The following NELL1 variants were observed in gnomAD, a reference collection of about 807,000 sequenced individuals.
NELL1 encodes protein kinase C-binding protein NELL1.
Under a neutral mutation model 107.4 loss-of-function variants are expected in NELL1, and 76 were observed. The ratio of observed to expected loss-of-function variants is 0.71; its 90% CI spans 0.59 to 0.86. The LOEUF (loss-of-function observed/expected upper bound fraction) is 0.86, where lower values mean the gene tolerates loss of function less well. Among genes scored for constraint, NELL1 ranks in the 40% least tolerant of loss-of-function variants. The pLI, the probability that NELL1 is intolerant of heterozygous loss-of-function variation, is 0.00. For synonymous variants in NELL1, 353 were observed against 341.2 expected, an observed-to-expected ratio of 1.03 and a Z score of -0.38; for missense variants, 1,024 against 1,005.5, an observed-to-expected ratio of 1.02 and a Z score of -0.25.
In NELL1 at chr11:21,491,551, A is replaced by G. The variant is rs1854813207; in HGVS notation, c.1646-42823A>G. On this transcript the variant is annotated intron_variant, in intron 15 of 19. Transcript: ENST00000357134. ...CTGAGGGCTCTGTTCTGTTCCATTGATCTATATCTCTGTTTTGGTACCAGT... is the reference window on the plus strand; with the variant it reads ...CTGAGGGCTCTGTTCTGTTCCATTGGTCTATATCTCTGTTTTGGTACCAGT... 2.0e-5 allele frequency among the ~76,000 whole-genome samples: 3 copies of G among 152,024 alleles called. No individual in the cohort carries two copies. In the South Asian group the frequency reaches 6.2e-4, roughly 32 times the overall value.
chr11:21,551,431 G>A (rs986282631), intron 16 of NELL1, among the ~76,000 whole-genome samples: 2 of 151,942 alleles, frequency 1.3e-5, no homozygotes, highest in African/African-American at 4.8e-5. Flanking sequence ...GTTTTCAAAG[G>A]GAATGCTTCC....
chr11:21,096,240 C>T, intron 12 of NELL1, among the ~76,000 whole-genome samples: 1 of 152,150 alleles, frequency 6.6e-6, no homozygotes, highest in Non-Finnish European at 1.5e-5. Flanking sequence ...TCTGCCTGTT[C>T]TTTTCCCACC....
Position 21,177,691 on chromosome 11 carries a change from C to T in NELL1, c.1427-51641C>T, listed in dbSNP as rs1046794844. Among the ~76,000 whole-genome samples, 8 of 151,962 alleles carry T rather than the reference C, an allele frequency of 5.3e-5. No homozygotes were observed. The East Asian group carries it at 1.5e-3, about 29-fold the overall frequency. On this transcript the variant is annotated intron_variant, in intron 13 of 19. Transcript: ENST00000357134. ...TATTCTTAGTTTTTGGAGGGACCTCCATACTGTCTTTTTATAATGGCTGTA... is the reference window on the plus strand; with the variant it reads ...TATTCTTAGTTTTTGGAGGGACCTCTATACTGTCTTTTTATAATGGCTGTA...
chr11:21,445,945 A>G (rs1853415568), intron 15 of NELL1, among the ~76,000 whole-genome samples: 2 of 151,934 alleles, frequency 1.3e-5, no homozygotes, highest in African/African-American at 4.8e-5. Flanking sequence ...ACCCCTATTA[A>G]TCTCTCTACT....
At chr11:20,919,416 A>T (rs1483459045) in intron 7 of NELL1, 82 bp downstream of exon 7, 2 of 852,852 alleles carry the variant, frequency 2.3e-6, no homozygotes, top group Non-Finnish European at 3.8e-6. Flanking sequence ...TATAATGGAA[A>T]CATTTTTAGC....
chr11:20,967,456 A>G (rs971309199), intron 12 of NELL1, among the ~76,000 whole-genome samples: 7 of 152,146 alleles, frequency 4.6e-5, no homozygotes, highest in African/African-American at 9.7e-5. Context: ...AGATATCCTG[A>G]GTTCCAGGGT....
At chr11:21,405,757 C>T (rs1375726187) in intron 15 of NELL1, among the ~76,000 whole-genome samples, 1 of 151,954 alleles carries the variant, frequency 6.6e-6, no homozygotes, top group Non-Finnish European at 1.5e-5. Context: ...ATGGACACAT[C>T]ATCTTTCCTC....
intron 9 of NELL1, among the ~76,000 whole-genome samples, chr11:20,931,968 C>T (rs1230600362): frequency 2.6e-5 from 4 of 152,116 alleles, no homozygotes; most frequent in South Asian, 2.1e-4. Flanking sequence ...TGTCTGCTCA[C>T]TCACTGAGTG....
At position 21,570,916 on chromosome 11, in the gene NELL1, T is replaced by C. The variant is rs1484675623; in HGVS notation, c.2133T>C (p.His711=). Residue 711 remains histidine, a synonymous_variant, in exon 18 of 20, where the codon CAT becomes CAC. Transcript: ENST00000357134. The part of the protein sequence containing the change: ...KLYRSGDNWT[H]SCQQCRCLEG... ...ATCGAAGTGGAGACAATTGGACCCA[T>C]AGCTGTCAGCAGTGTCGGTGTCTGG... is the stretch of plus-strand genomic sequence containing the variant. 1 of 1,611,576 alleles carries C rather than the reference T, an allele frequency of 6.2e-7. No homozygotes were observed. The highest frequency in any genetic ancestry group is 1.7e-5 in the Admixed American group (1 of 59,862).
chr11:21,198,326 C>T (rs1176514835), intron 13 of NELL1, among the ~76,000 whole-genome samples: 1 of 152,158 alleles, frequency 6.6e-6, no homozygotes, highest in East Asian at 1.9e-4. Context: ...CACATTCTGT[C>T]GGTTACAAAC....
intron 2 of NELL1, among the ~76,000 whole-genome samples, chr11:20,725,412 A>C (rs1025547037): frequency 6.6e-6 from 1 of 152,218 alleles, no homozygotes; most frequent in Non-Finnish European, 1.5e-5. Context: ...GCATGTGAGC[A>C]ACAGGAGTAT....
At chr11:20,768,811 A>AG (rs1856585095) in intron 2 of NELL1, among the ~76,000 whole-genome samples, 1 of 152,194 alleles carries the variant, frequency 6.6e-6, no homozygotes, top group African/African-American at 2.4e-5. Flanking sequence ...GAGCTTCCAG[A>AG]GGGAGTATGG....
intron 14 of NELL1, among the ~76,000 whole-genome samples, chr11:21,354,875 T>C (rs1462945501): frequency 6.6e-6 from 1 of 152,224 alleles, no homozygotes; most frequent in African/African-American, 2.4e-5. Context: ...GACTGTGACC[T>C]CCAGGGCTAA....
chr11:21,248,254 G>A (rs561303083), intron 14 of NELL1, among the ~76,000 whole-genome samples: 10 of 151,996 alleles, frequency 6.6e-5, no homozygotes, highest in African/African-American at 2.4e-4. Context: ...GCTGACATGG[G>A]AGGATTGCTT....
At chr11:21,065,286 AGT>A (rs1474436028) in intron 12 of NELL1, among the ~76,000 whole-genome samples, 2 of 152,098 alleles carry the variant, frequency 1.3e-5, no homozygotes, top group Non-Finnish European at 2.9e-5. Context: ...GAGAAATCCA[AGT>A]GTTTACCATG....
At chr11:21,269,857 A>T (rs1193794274) in intron 14 of NELL1, among the ~76,000 whole-genome samples, 2 of 152,158 alleles carry the variant, frequency 1.3e-5, no homozygotes, top group Non-Finnish European at 2.9e-5. Flanking sequence ...GTATTCGATT[A>T]TATACTCTTA....
chr11:21,366,772 G>A (rs957470753), intron 14 of NELL1, among the ~76,000 whole-genome samples: 10 of 152,098 alleles, frequency 6.6e-5, no homozygotes, highest in African/African-American at 2.4e-4. Context: ...AGGAAGAAAA[G>A]GTTTACCTTC....
intron 13 of NELL1, among the ~76,000 whole-genome samples, chr11:21,200,182 A>G (rs1368265079): frequency 6.6e-6 from 1 of 152,126 alleles, no homozygotes; most frequent in Non-Finnish European, 1.5e-5. Flanking sequence ...TGCTGGATCA[A>G]ATGGTATTTC....
chr11:21,354,237 G>A (rs1393393079), intron 14 of NELL1, among the ~76,000 whole-genome samples: 2 of 152,156 alleles, frequency 1.3e-5, no homozygotes, highest in African/African-American at 4.8e-5. Flanking sequence ...GTATTTGAAG[G>A]GGTGGGGTTA....
Sources: allele counts gnomAD v4.1 joint callset (sites outside exome capture counted in the v4.1 genomes callset), GRCh38; gene constraint gnomAD v4.1.1; transcripts MANE v1.5; gene names NCBI Gene and HGNC (gene_info 2026-07-23, HGNC 2026-07-21).